DNAI3: variants seen among roughly 807,000 people sequenced by gnomAD.
The protein encoded by DNAI3 is WD repeat domain 63.
A neutral mutation model predicts 115.5 loss-of-function variants in DNAI3; 83 were observed. That is an observed-to-expected ratio of 0.72 (90% CI 0.60 to 0.86). DNAI3 has a LOEUF of 0.86. Among genes scored for constraint, DNAI3 ranks in the 40% least tolerant of loss-of-function variants. The pLI is 0.00. For synonymous variants in DNAI3, 320 were observed against 347.0 expected (o/e 0.92, Z 0.86); for missense variants, 1,004 against 1,075.8 (o/e 0.93, Z 0.93).
chr1:85,069,493 G>A (rs533227720), intron 1 of DNAI3, among the ~76,000 whole-genome samples: 1 of 152,138 alleles, frequency 6.6e-6, no homozygotes. Context: ...ATCTGGTGCA[G>A]CATAGTCACT....
intron 14 of DNAI3, among the ~76,000 whole-genome samples, chr1:85,106,382 A>G (rs1655491517): frequency 6.6e-6 from 1 of 152,230 alleles, no homozygotes; most frequent in Admixed American, 6.5e-5. Flanking sequence ...AAAGACTTGT[A>G]TCCAGAATAT....
chr1:85,111,966 C>T (rs1346492495), intron 16 of DNAI3, among the ~76,000 whole-genome samples: 1 of 152,182 alleles, frequency 6.6e-6, no homozygotes, highest in African/African-American at 2.4e-5. Flanking sequence ...CAGCACCTCC[C>T]TCACTCCCAG....
At chr1:85,078,542 C>T (rs571679613) in intron 3 of DNAI3, among the ~76,000 whole-genome samples, 12 of 152,210 alleles carry the variant, frequency 7.9e-5, no homozygotes, top group Non-Finnish European at 1.8e-4. Flanking sequence ...GCTGGAGGCT[C>T]CAGGGAGCCC....
intron 11 of DNAI3, among the ~76,000 whole-genome samples, chr1:85,096,977 C>T (rs1481640222): frequency 2.0e-5 from 3 of 152,038 alleles, no homozygotes; most frequent in South Asian, 4.2e-4. Flanking sequence ...AATAAAATCA[C>T]TTACAATTCT....
At chr1:85,102,645 G>T (rs1190845464) in intron 13 of DNAI3, among the ~76,000 whole-genome samples, 1 of 152,180 alleles carries the variant, frequency 6.6e-6, no homozygotes, top group Non-Finnish European at 1.5e-5. Flanking sequence ...TTGGAATGCA[G>T]TTAGTCAAGG....
intron 5 of DNAI3, among the ~76,000 whole-genome samples, chr1:85,082,847 C>T (rs182718418): frequency 2.2e-4 from 34 of 152,242 alleles, no homozygotes; most frequent in Middle Eastern, 3.4e-3. Flanking sequence ...ATTTGCCCTT[C>T]GTTGACCTCG....
chr1:85,071,151 A>G (rs1001487913), intron 1 of DNAI3, among the ~76,000 whole-genome samples: 2 of 152,238 alleles, frequency 1.3e-5, no homozygotes, highest in South Asian at 2.1e-4. Flanking sequence ...CATTAAATAG[A>G]TGAATAAACT....
At chr1:85,083,993 A>G (rs1472098552) in intron 5 of DNAI3, among the ~76,000 whole-genome samples, 1 of 151,808 alleles carries the variant, frequency 6.6e-6, no homozygotes, top group East Asian at 1.9e-4. Flanking sequence ...GGATCTATCA[A>G]TATCAGTACA....
At chr1:85,074,464 TTCCAGCC>T (rs144007551) in intron 3 of DNAI3, among the ~76,000 whole-genome samples, 2,790 of 152,278 alleles carry the variant, frequency 0.018, 39 homozygotes, top group Non-Finnish European at 0.029. Context: ...TCCAAATTTA[TTCCAGCC>T]TCAGGGCCAT....
intron 17 of DNAI3, among the ~76,000 whole-genome samples, chr1:85,119,996 G>A (rs550467928): frequency 2.0e-5 from 3 of 152,300 alleles, no homozygotes; most frequent in Non-Finnish European, 2.9e-5. Flanking sequence ...CACTGTGCCC[G>A]GCCTTTTTTC....
chr1:85,088,300 G>A (rs1047613721), intron 7 of DNAI3, among the ~76,000 whole-genome samples: 1 of 151,998 alleles, frequency 6.6e-6, no homozygotes, highest in African/African-American at 2.4e-5. Flanking sequence ...TACATAGAGG[G>A]AGTAAACAGA....
chr1:85,126,393 A>T, intron 19 of DNAI3, 118 bp from the exon 20 acceptor site: 1 of 1,040,296 alleles, frequency 9.6e-7, no homozygotes. Context: ...CTGTGGGCAT[A>T]ATTTTGTTGT....
Position 85,094,414 on chromosome 1 carries a change from A to T in DNAI3, c.1049-17A>T. On this transcript the variant is annotated splice_polypyrimidine_tract_variant and intron_variant, in intron 9 of 22. Transcript: ENST00000294664. ...ATAGTTGCTGCCAACTTTAATTTCTACATGTGTTTCCATCAGGGCTAATAG... is the reference window on the plus strand; with the variant it reads ...ATAGTTGCTGCCAACTTTAATTTCTTCATGTGTTTCCATCAGGGCTAATAG... The T allele has an allele frequency of 2.5e-6, 4 of 1,613,842 alleles. No individual in the cohort carries two copies. The highest frequency in any genetic ancestry group is 3.4e-6 in the Non-Finnish European group (4 of 1,179,902).
chr1:85,110,623 G>T (rs1168746536), intron 16 of DNAI3, among the ~76,000 whole-genome samples: 1 of 151,872 alleles, frequency 6.6e-6, no homozygotes, highest in South Asian at 2.1e-4. Context: ...TATTGCCAAC[G>T]CATTAAAATT....
chr1:85,101,802 AG>A (rs1190304350), intron 13 of DNAI3, among the ~76,000 whole-genome samples: 3 of 151,634 alleles, frequency 2.0e-5, no homozygotes, highest in African/African-American at 7.3e-5. Context: ...ATAGAGTATC[AG>A]ACTCTGGAAT....
At chr1:85,070,092 C>T (rs1347576497) in intron 1 of DNAI3, among the ~76,000 whole-genome samples, 1 of 152,052 alleles carries the variant, frequency 6.6e-6, no homozygotes, top group African/African-American at 2.4e-5. Context: ...GAAGCCCCGT[C>T]TCTACTAAAA....
intron 17 of DNAI3, 124 bp from the exon 18 acceptor site, chr1:85,121,627 C>T: frequency 1.2e-6 from 1 of 837,802 alleles, no homozygotes; most frequent in East Asian, 2.6e-5. Context: ...GATCAAATTA[C>T]TTGATTAAAT....
intron 1 of DNAI3, among the ~76,000 whole-genome samples, chr1:85,064,694 G>A (rs1355497599): frequency 6.6e-6 from 1 of 152,054 alleles, no homozygotes; most frequent in African/African-American, 2.4e-5. Context: ...GAGGCCAGGA[G>A]TTCTAGACCA....
intron 16 of DNAI3, among the ~76,000 whole-genome samples, chr1:85,114,916 C>T (rs1021776735): frequency 2.6e-5 from 4 of 152,226 alleles, no homozygotes; most frequent in African/African-American, 9.6e-5. Flanking sequence ...AACCCATGCT[C>T]TTCTAAGTGG....
Sources: allele counts gnomAD v4.1 joint callset (sites outside exome capture counted in the v4.1 genomes callset), GRCh38; gene constraint gnomAD v4.1.1; transcripts MANE v1.5; gene names NCBI Gene and HGNC (gene_info 2026-07-23, HGNC 2026-07-21).